The following RAB11FIP3 variants were observed in gnomAD, a reference collection of about 807,000 sequenced individuals.
RAB11FIP3 encodes rab11 family-interacting protein 3.
A neutral mutation model predicts 77.8 loss-of-function variants in RAB11FIP3; 17 were observed. That is an observed-to-expected ratio of 0.22 (90% CI 0.15 to 0.33). RAB11FIP3 has a LOEUF of 0.33. RAB11FIP3 is among the 10% of genes least tolerant of loss of function. RAB11FIP3 has a pLI of 1.00. For missense variants in RAB11FIP3, 1,005 were observed against 1,011.2 expected (o/e 0.99, Z 0.08); for synonymous variants, 437 against 448.2 (o/e 0.98, Z 0.31).
chr16:517,297 G>A (rs781252696), intron 9 of RAB11FIP3, among the ~76,000 whole-genome samples: 4 of 152,188 alleles, frequency 2.6e-5, no homozygotes, highest in South Asian at 2.1e-4. Context: ...GGCTGGGCAC[G>A]GTGGCTCACA....
In RAB11FIP3 at chr16:491,316, G is replaced by A. The variant is rs752807046; in HGVS notation, c.1265+2316G>A. On this transcript the variant is annotated intron_variant, in intron 5 of 13. Transcript: ENST00000262305. ...TGCTGTCTGTTCCCAGGGTGTGGGG[G>A]ACTCCGGATACCCACAGCCCCCTTG... 29 of 1,285,758 alleles carry A rather than the reference G, an allele frequency of 2.3e-5. No homozygotes were observed. The South Asian group carries it at 3.2e-4, about 14-fold the overall frequency. The allele number at this position is 1,285,758 out of a possible 1,614,324, so 79.6% of individuals were successfully genotyped here.
At chr16:458,487 G>A (rs796289522) in intron 1 of RAB11FIP3, among the ~76,000 whole-genome samples, 9 of 119,952 alleles carry the variant, frequency 7.5e-5, no homozygotes, top group Admixed American at 2.4e-4. Context: ...GGCCTTCCTC[G>A]GGTTCACCGA....
In RAB11FIP3 at chr16:471,157, C is replaced by T; in HGVS notation, c.809-138C>T. 1.5e-6 allele frequency: 1 copy of T among 684,394 alleles called. No homozygotes were observed. The highest frequency in any genetic ancestry group is 2.7e-5 in the East Asian group (1 of 36,508). The allele number at this position is 684,394 out of a possible 1,614,324, so 42.4% of individuals were successfully genotyped here. On this transcript the variant is annotated intron_variant, in intron 2 of 13. Transcript: ENST00000262305. The surrounding 1 kb of genome is among the most constrained non-coding windows in gnomAD (Gnocchi z 4.4). ...TTCTCATGCTCACTCCCTTGCTTGT[C>T]TTGACCCCCCCCAGGGCCCCCAACT...
chr16:485,459 C>A (rs758745384), intron 4 of RAB11FIP3, among the ~76,000 whole-genome samples: 5 of 152,218 alleles, frequency 3.3e-5, no homozygotes, highest in Admixed American at 1.3e-4. Flanking sequence ...GTCGCCCAGG[C>A]TGGAGTGCAG....
chr16:482,740 T>C lies in RAB11FIP3; in HGVS notation c.1115+4T>C. On this transcript the variant is annotated splice_donor_region_variant and intron_variant, in intron 4 of 13. Transcript: ENST00000262305. The stretch of plus-strand genomic sequence containing the variant: ...CCCTGCTGCTGCTCCCAGGCAGGTC[T>C]GTACCCCGCCACGGGCCTCCTGGAG... The C allele has an allele frequency of 6.3e-7, 1 of 1,592,636 alleles. No homozygotes were observed. The highest frequency in any genetic ancestry group is 1.1e-5 in the South Asian group (1 of 89,028).
chr16:496,061 C>T (rs1020913759), intron 5 of RAB11FIP3, among the ~76,000 whole-genome samples: 5 of 152,142 alleles, frequency 3.3e-5, no homozygotes, highest in African/African-American at 1.2e-4. Context: ...CTCCAGTAGA[C>T]TTTTCTGCCT....
intron 1 of RAB11FIP3, among the ~76,000 whole-genome samples, chr16:453,764 A>AT (rs972634724): frequency 1.7e-4 from 26 of 149,804 alleles, no homozygotes; most frequent in African/African-American, 4.4e-4. Flanking sequence ...CTAATTTTGT[A>AT]TTTTTTTTTA....
At chr16:490,637 T>TA (rs1239538361) in intron 5 of RAB11FIP3, among the ~76,000 whole-genome samples, 2 of 152,204 alleles carry the variant, frequency 1.3e-5, no homozygotes, top group Non-Finnish European at 2.9e-5. Context: ...ACGCACATCT[T>TA]AAAAAATCAC....
intron 1 of RAB11FIP3, among the ~76,000 whole-genome samples, chr16:428,391 C>T (rs1490681814): frequency 6.6e-6 from 1 of 152,144 alleles, no homozygotes; most frequent in Non-Finnish European, 1.5e-5. Context: ...CTTGAGCTCC[C>T]TTGGTTGCTG....
chr16:475,004 C>G (rs923054240), intron 3 of RAB11FIP3: 9 of 1,551,612 alleles, frequency 5.8e-6, no homozygotes, highest in African/African-American at 1.4e-5. Flanking sequence ...GGGACGGAGA[C>G]ACGATGGGGA....
intron 1 of RAB11FIP3, among the ~76,000 whole-genome samples, chr16:460,833 C>T (rs763280863): frequency 6.6e-4 from 99 of 150,826 alleles, no homozygotes; most frequent in Non-Finnish European, 3.7e-4. Context: ...TGGTTCATCA[C>T]GCCAGGTGCT....
chr16:510,871 G>A (rs969148692), intron 9 of RAB11FIP3, 71 bp downstream of exon 9: 269 of 1,533,296 alleles, frequency 1.8e-4, no homozygotes, highest in Non-Finnish European at 2.2e-4. Flanking sequence ...CCAACAGCCC[G>A]CCAGCCCCAG....
chr16:494,824 G>T (rs12443999), intron 5 of RAB11FIP3, among the ~76,000 whole-genome samples: 1,616 of 27,552 alleles, frequency 0.059, no homozygotes, highest in African/African-American at 0.069. Context: ...GATCACATGA[G>T]CCTGGGAGGT....
intron 9 of RAB11FIP3, among the ~76,000 whole-genome samples, chr16:511,970 A>G (rs941812585): frequency 3.5e-4 from 48 of 136,114 alleles, no homozygotes; most frequent in African/African-American, 1.2e-3. Context: ...CAGGTAGGAG[A>G]GGTTCCTGAC....
At chr16:446,976 G>A (rs1023413958) in intron 1 of RAB11FIP3, among the ~76,000 whole-genome samples, 1 of 151,520 alleles carries the variant, frequency 6.6e-6, no homozygotes, top group South Asian at 2.1e-4. Flanking sequence ...TGGGATTACA[G>A]GCGTGAGCCA....
intron 10 of RAB11FIP3, 81 bp from the exon 11 acceptor site, chr16:519,673 T>C: frequency 1.9e-6 from 3 of 1,545,288 alleles, no homozygotes; most frequent in Non-Finnish European, 2.6e-6. Flanking sequence ...ACTCAGAGAT[T>C]GGAGGGACAG....
At chr16:483,297 C>A (rs989571966) in intron 4 of RAB11FIP3, among the ~76,000 whole-genome samples, 1 of 152,194 alleles carries the variant, frequency 6.6e-6, no homozygotes, top group African/African-American at 2.4e-5. Flanking sequence ...AAATTAAATT[C>A]TCAGCCTTCA....
chr16:453,373 C>G (rs1292968096), intron 1 of RAB11FIP3: 9 of 152,318 alleles, frequency 5.9e-5, no homozygotes, highest in Non-Finnish European at 1.2e-4. Flanking sequence ...CATGCCCGGC[C>G]TGGCCACATC....
chr16:456,839 T>G (rs960446040), intron 1 of RAB11FIP3, among the ~76,000 whole-genome samples: 2 of 152,130 alleles, frequency 1.3e-5, no homozygotes, highest in African/African-American at 2.4e-5. Flanking sequence ...GGGAAAGCCC[T>G]TTGTGTATAT....
Sources: allele counts gnomAD v4.1 joint callset (sites outside exome capture counted in the v4.1 genomes callset), GRCh38; gene constraint gnomAD v4.1.1; non-coding constraint Gnocchi (gnomAD v3.1); transcripts MANE v1.5; gene names NCBI Gene and HGNC (gene_info 2026-07-23, HGNC 2026-07-21).